Variants in ENPP1 observed in about 807,000 individuals in gnomAD.
The protein encoded by ENPP1 is ectonucleotide pyrophosphatase/phosphodiesterase family member 1.
Under a neutral mutation model 122.8 loss-of-function variants are expected in ENPP1, and 73 were observed. The ratio of observed to expected loss-of-function variants is 0.59; its 90% CI spans 0.49 to 0.72. The LOEUF (loss-of-function observed/expected upper bound fraction) is 0.72, where lower values mean the gene tolerates loss of function less well. ENPP1 is among the 30% of genes least tolerant of loss of function. The pLI, the probability that ENPP1 is intolerant of heterozygous loss-of-function variation, is 0.00. For missense variants in ENPP1, 978 were observed against 1,128.1 expected, an observed-to-expected ratio of 0.87 and a Z score of 1.91; for synonymous variants, 367 against 391.6, an observed-to-expected ratio of 0.94 and a Z score of 0.74.
intron 22 of ENPP1, among the ~76,000 whole-genome samples, chr6:131,884,038 T>C (rs1782346052): frequency 6.6e-6 from 1 of 152,210 alleles, no homozygotes; most frequent in Non-Finnish European, 1.5e-5. Flanking sequence ...TAATACAGTC[T>C]GCTAACACTT....
At position 131,875,770 on chromosome 6, in the gene ENPP1, A is replaced by T; in HGVS notation, c.1636-6A>T. 1.9e-6 allele frequency: 3 copies of T among 1,613,362 alleles called. No individual in the cohort carries two copies. Among genetic ancestry groups the T allele is most frequent in the Non-Finnish European group, 2.5e-6 (3 of 1,179,248 alleles). On this transcript the variant is annotated splice_region_variant and splice_polypyrimidine_tract_variant and intron_variant, in intron 16 of 24. Transcript: ENST00000647893. ...CACTGATAAACTTCCTTTTCTGGCC[A>T]TCTAGGCCCTCTTTGTTGGCTATGG...
intron 1 of ENPP1, chr6:131,827,962 A>G: frequency 1.2e-6 from 1 of 833,772 alleles, no homozygotes; most frequent in African/African-American, 1.7e-5. Flanking sequence ...GATGGCCACA[A>G]AATGCTCAAG....
intron 2 of ENPP1, 89 bp downstream of exon 2, chr6:131,847,937 A>T: frequency 2.1e-6 from 2 of 971,586 alleles, no homozygotes; most frequent in Non-Finnish European, 3.2e-6. Flanking sequence ...TGAGGTAAAC[A>T]TTATCTCCTA....
intron 1 of ENPP1, among the ~76,000 whole-genome samples, chr6:131,830,953 A>G (rs1380396228): frequency 1.3e-5 from 2 of 151,816 alleles, no homozygotes. Context: ...CTCTACCAAA[A>G]ATACGGAAAA....
rs1055181671 is a variant in ENPP1 at position 131,894,816 on chromosome 6, C to T, written c.*4305C>T. Reference sequence around the variant, plus strand: ...CAAGATGGGCATGGAACAGGGACCACCCCCTCCTCTGGGAGAAGCTGTTAC... The same window carrying T: ...CAAGATGGGCATGGAACAGGGACCATCCCCTCCTCTGGGAGAAGCTGTTAC... On this transcript the variant is annotated 3_prime_UTR_variant, in exon 25 of 25. Coordinates refer to ENST00000647893, the MANE Select transcript of ENPP1 (RefSeq NM_006208.3). 8 of 152,364 alleles carry T rather than the reference C, an allele frequency of 5.3e-5. No homozygotes were observed. The highest frequency in any genetic ancestry group is 4.6e-4 in the Admixed American group (7 of 15,284). 9.4% of individuals were successfully genotyped at this position (152,364 alleles called of 1,614,324 possible).
intron 1 of ENPP1, among the ~76,000 whole-genome samples, chr6:131,815,850 G>A (rs550561920): frequency 7.3e-5 from 11 of 149,994 alleles, no homozygotes; most frequent in Admixed American, 4.6e-4. Context: ...GATTACAGGC[G>A]CACACCACCA....
chr6:131,822,022 A>C (rs1192494352), intron 1 of ENPP1, among the ~76,000 whole-genome samples: 2 of 152,052 alleles, frequency 1.3e-5, no homozygotes, highest in Non-Finnish European at 2.9e-5. Context: ...TGAAATATTC[A>C]TGTGGGAACA....
chr6:131,878,143 C>G (rs1222499367), intron 18 of ENPP1, among the ~76,000 whole-genome samples: 1 of 151,782 alleles, frequency 6.6e-6, no homozygotes, highest in Non-Finnish European at 1.5e-5. Context: ...ACCTGTAATC[C>G]CAGTACTTTG....
At chr6:131,860,696 G>A (rs1489097883) in intron 8 of ENPP1, among the ~76,000 whole-genome samples, 190 bp downstream of exon 8, 1 of 152,104 alleles carries the variant, frequency 6.6e-6, no homozygotes, top group Non-Finnish European at 1.5e-5. Flanking sequence ...AAGGAGAGTA[G>A]TTTATTTCAG....
At chr6:131,827,997 G>A in intron 1 of ENPP1, 1 of 703,950 alleles carries the variant, frequency 1.4e-6, no homozygotes, top group South Asian at 1.3e-5. Context: ...CTGGGGTAGT[G>A]AAGCCATAAG....
intron 1 of ENPP1, among the ~76,000 whole-genome samples, chr6:131,813,969 A>G (rs1315865565): frequency 6.6e-6 from 1 of 152,208 alleles, no homozygotes; most frequent in Admixed American, 6.5e-5. Flanking sequence ...TTTTCCAAGC[A>G]GGGTAGAATG....
chr6:131,843,718 G>A (rs1254036307), intron 1 of ENPP1, among the ~76,000 whole-genome samples: 1 of 147,822 alleles, frequency 6.8e-6, no homozygotes, highest in African/African-American at 2.5e-5. Context: ...GGCCATTCAA[G>A]TTTGTTATAT....
At chr6:131,889,251 T>C (rs11965770) in intron 24 of ENPP1, among the ~76,000 whole-genome samples, 16,141 of 152,120 alleles carry the variant, frequency 0.11, 1,541 homozygotes, top group African/African-American at 0.26. Context: ...AGTTCAGGGG[T>C]ACATGTGCAG....
At position 131,808,273 on chromosome 6, in the gene ENPP1, C is replaced by G; in HGVS notation, c.238C>G (p.Leu80Val). ...CCCCAACACCTATAAAGTACTCTCG[C>G]TGGTAGGTCCGCGGCCAGGCCCCGG... ...KDPNTYKVLSLVLSVCVLTTI... is the reference protein window; with the variant it reads ...KDPNTYKVLSVVLSVCVLTTI... Residue 80 changes from leucine (L) to valine (V), a missense_variant and splice_region_variant, in exon 1 of 25, where the codon CTG becomes GTG. By Grantham distance (32) the Leu-to-Val change is conservative. Coordinates refer to ENST00000647893, the MANE Select transcript of ENPP1 (RefSeq NM_006208.3). 6.7e-7 allele frequency: 1 copy of G among 1,501,658 alleles called. No individual in the cohort carries two copies. Among genetic ancestry groups the G allele is most frequent in the Non-Finnish European group, 8.9e-7 (1 of 1,122,906 alleles). 93.0% of individuals were successfully genotyped at this position (1,501,658 alleles called of 1,614,324 possible).
chr6:131,831,682 G>C (rs1345600678), intron 1 of ENPP1, among the ~76,000 whole-genome samples: 3 of 152,184 alleles, frequency 2.0e-5, no homozygotes, highest in African/African-American at 7.2e-5. Flanking sequence ...GGAAGCACAT[G>C]ACAGATGGTA....
chr6:131,886,808 G>A, intron 24 of ENPP1, 84 bp downstream of exon 24: 1 of 1,179,520 alleles, frequency 8.5e-7, no homozygotes, highest in Non-Finnish European at 1.2e-6. Flanking sequence ...TGACATTACA[G>A]TGAGAGAAAG....
intron 1 of ENPP1, among the ~76,000 whole-genome samples, chr6:131,808,836 A>G (rs1182151355): frequency 6.6e-6 from 1 of 152,170 alleles, no homozygotes; most frequent in African/African-American, 2.4e-5. Context: ...TGACTGAAGA[A>G]ACCTTTATGA....
At chr6:131,880,180 A>G in intron 20 of ENPP1, 146 bp downstream of exon 20, 1 of 871,214 alleles carries the variant, frequency 1.1e-6, no homozygotes, top group Non-Finnish European at 1.9e-6. Context: ...AGAAAAATTC[A>G]GTTCCAGTTC....
At chr6:131,827,919 G>C in intron 1 of ENPP1, 1 of 1,150,800 alleles carries the variant, frequency 8.7e-7, no homozygotes. Flanking sequence ...ACAGGGTGCA[G>C]GTGGTCCGTG....
Sources: gnomAD v4.1 joint callset for allele counts (sites outside exome capture counted in the v4.1 genomes callset) on GRCh38, gnomAD v4.1.1 for gene constraint, MANE v1.5 for transcripts, NCBI Gene and HGNC (gene_info 2026-07-23, HGNC 2026-07-21) for gene names.